ERC2: variants seen among roughly 807,000 people sequenced by gnomAD.
ERC2 encodes ERC protein 2.
In ERC2, 42 loss-of-function variants were observed where a neutral mutation model predicts 114.8. The ratio of observed to expected loss-of-function variants is 0.37; its 90% CI spans 0.29 to 0.47. The LOEUF (loss-of-function observed/expected upper bound fraction) is 0.47, where lower values mean the gene tolerates loss of function less well. Among genes scored for constraint, ERC2 ranks in the 20% least tolerant of loss-of-function variants. The pLI, the probability that ERC2 is intolerant of heterozygous loss-of-function variation, is 0.99. For missense variants in ERC2, 939 were observed against 1,150.7 expected (o/e 0.82, Z 2.66); for synonymous variants, 454 against 425.5 (o/e 1.07, Z -0.82).
chr3:55,983,193 G>A (rs1296457217), intron 12 of ERC2, among the ~76,000 whole-genome samples: 3 of 152,346 alleles, frequency 2.0e-5, no homozygotes, highest in East Asian at 1.9e-4. Context: ...GAGGGCCTGG[G>A]AGAAGTCTAT....
At chr3:56,094,065 C>A (rs1308466398) in intron 6 of ERC2, among the ~76,000 whole-genome samples, 1 of 152,102 alleles carries the variant, frequency 6.6e-6, no homozygotes, top group Non-Finnish European at 1.5e-5. Context: ...TTACCTTTCC[C>A]CACATCTATT....
At chr3:56,012,856 T>C (rs901915694) in intron 8 of ERC2, among the ~76,000 whole-genome samples, 1 of 152,220 alleles carries the variant, frequency 6.6e-6, no homozygotes, top group Non-Finnish European at 1.5e-5. Context: ...AAAAACTAAC[T>C]TGCAGAAATT....
At chr3:55,761,392 G>A (rs2067417472) in intron 14 of ERC2, among the ~76,000 whole-genome samples, 1 of 151,818 alleles carries the variant, frequency 6.6e-6, no homozygotes, top group African/African-American at 2.4e-5. Flanking sequence ...TACTAAAAAT[G>A]TATTCGCTGT....
intron 3 of ERC2, among the ~76,000 whole-genome samples, chr3:56,179,237 G>T (rs1023218758): frequency 5.9e-5 from 9 of 151,890 alleles, no homozygotes; most frequent in African/African-American, 1.9e-4. Flanking sequence ...AGAGAGAACA[G>T]TGAAGGCTAA....
In ERC2 at chr3:56,007,167, TAGAC is replaced by T; in HGVS notation, c.2061+10_2061+13del. 1 of 1,541,294 alleles carries T rather than the reference TAGAC, an allele frequency of 6.5e-7. No homozygotes were observed. Among genetic ancestry groups the T allele is most frequent in the Admixed American group, 2.1e-5 (1 of 46,676 alleles). On this transcript the variant is annotated intron_variant, in intron 10 of 17. Transcript: ENST00000288221. ...TTTAAATAAGCATGATTCTTTTTCT[TAGAC>T]TTCACTTACCTTTTTTAACTGTGCT...
intron 14 of ERC2, among the ~76,000 whole-genome samples, chr3:55,761,286 A>C (rs2067412144): frequency 6.6e-6 from 1 of 152,250 alleles, no homozygotes. Context: ...TATGCAAATA[A>C]AAATACAGGA....
chr3:56,233,995 T>A, intron 3 of ERC2, among the ~76,000 whole-genome samples: 1 of 152,284 alleles, frequency 6.6e-6, no homozygotes, highest in African/African-American at 2.4e-5. Flanking sequence ...ACCCACAAGA[T>A]CCTATTGTCA....
At chr3:55,645,780 C>G (rs17055623) in intron 17 of ERC2, among the ~76,000 whole-genome samples, 20,916 of 152,144 alleles carry the variant, frequency 0.14, 2,555 homozygotes, top group African/African-American at 0.32. Context: ...GTTATGACAA[C>G]TTTGGCTTTC....
chr3:56,216,622 T>A (rs1159291063), intron 3 of ERC2, among the ~76,000 whole-genome samples: 1 of 152,036 alleles, frequency 6.6e-6, no homozygotes, highest in Non-Finnish European at 1.5e-5. Context: ...AAAGAGGGAA[T>A]CCTCCCTAAC....
At chr3:56,468,081 G>T (rs1448321901) in intron 1 of ERC2, among the ~76,000 whole-genome samples, 167 bp downstream of exon 1, 1 of 142,368 alleles carries the variant, frequency 7.0e-6, no homozygotes. Flanking sequence ...CCCTCCCCCC[G>T]CCCAAGAAAG....
intron 10 of ERC2, among the ~76,000 whole-genome samples, chr3:55,996,046 A>G (rs1225160898): frequency 1.3e-5 from 2 of 152,244 alleles, no homozygotes; most frequent in Non-Finnish European, 2.9e-5. Flanking sequence ...CATACTTTAG[A>G]CACTACAGCG....
chr3:56,005,408 C>T (rs192235256), intron 10 of ERC2, among the ~76,000 whole-genome samples: 2 of 152,086 alleles, frequency 1.3e-5, no homozygotes, highest in South Asian at 2.1e-4. Context: ...ATCTCAGGGG[C>T]AAACCACAGC....
intron 7 of ERC2, among the ~76,000 whole-genome samples, chr3:56,070,824 A>T (rs1336592474): frequency 1.3e-5 from 2 of 152,222 alleles, no homozygotes; most frequent in African/African-American, 4.8e-5. Flanking sequence ...GTCCAGCTAT[A>T]TTAAATTACT....
intron 10 of ERC2, among the ~76,000 whole-genome samples, chr3:55,997,880 G>GTTTTTTTTTT (rs869077498): frequency 8.9e-5 from 4 of 44,780 alleles, no homozygotes; most frequent in African/African-American, 1.8e-4. Flanking sequence ...TCTTAATTCT[G>GTTTTTTTTTT]TTTTTTTTTT....
At chr3:55,586,188 G>A (rs1051360428) in intron 17 of ERC2, among the ~76,000 whole-genome samples, 49 of 152,268 alleles carry the variant, frequency 3.2e-4, no homozygotes, top group Non-Finnish European at 3.4e-4. Flanking sequence ...AAAGGACCAC[G>A]GAGAAACCAA....
chr3:55,531,399 G>A (rs2053657435), intron 17 of ERC2, among the ~76,000 whole-genome samples: 1 of 152,112 alleles, frequency 6.6e-6, no homozygotes, highest in Non-Finnish European at 1.5e-5. Context: ...AAAGGAAGCT[G>A]ATCCTTCCCC....
intron 14 of ERC2, among the ~76,000 whole-genome samples, chr3:55,823,634 T>C (rs922106030): frequency 1.3e-5 from 2 of 152,222 alleles, no homozygotes; most frequent in Non-Finnish European, 2.9e-5. Context: ...AATCCATAGA[T>C]GAGTAGCCCA....
At chr3:55,924,855 C>T (rs190804283) in intron 13 of ERC2, among the ~76,000 whole-genome samples, 177 of 152,240 alleles carry the variant, frequency 1.2e-3, no homozygotes, top group South Asian at 2.1e-3. Context: ...TCAAAATGAA[C>T]CCTGTGTGGA....
chr3:55,648,379 T>G (rs1206464583), intron 17 of ERC2, among the ~76,000 whole-genome samples: 4 of 152,180 alleles, frequency 2.6e-5, no homozygotes, highest in Non-Finnish European at 5.9e-5. Flanking sequence ...AGCAGACATC[T>G]TAACAGTGCC....
Sources: gnomAD v4.1 joint callset for allele counts (sites outside exome capture counted in the v4.1 genomes callset) on GRCh38, gnomAD v4.1.1 for gene constraint, MANE v1.5 for transcripts, NCBI Gene and HGNC (gene_info 2026-07-23, HGNC 2026-07-21) for gene names.